Variants in REV3L observed in about 807,000 individuals in gnomAD.
REV3L encodes DNA polymerase zeta catalytic subunit.
In REV3L, 69 loss-of-function variants were observed where a neutral mutation model predicts 299.4. The ratio of observed to expected loss-of-function variants is 0.23; its 90% CI spans 0.19 to 0.28. The LOEUF (loss-of-function observed/expected upper bound fraction) is 0.28, where lower values mean the gene tolerates loss of function less well. Ranked by LOEUF, REV3L falls within the 10% of genes least tolerant of loss-of-function variation. The pLI, the probability that REV3L is intolerant of heterozygous loss-of-function variation, is 1.00. For missense variants in REV3L, 3,128 were observed against 3,693.8 expected (o/e 0.85, Z 3.97); for synonymous variants, 1,238 against 1,271.4 (o/e 0.97, Z 0.56).
intron 1 of REV3L, among the ~76,000 whole-genome samples, chr6:111,459,584 T>C (rs145153353): frequency 1.3e-5 from 2 of 151,640 alleles, no homozygotes; most frequent in East Asian, 1.9e-4. Flanking sequence ...AAAAAACAAA[T>C]AACCCCATTA....
intron 1 of REV3L, chr6:111,431,004 C>A (rs1023187974): frequency 6.4e-7 from 1 of 1,565,312 alleles, no homozygotes; most frequent in African/African-American, 1.4e-5. Context: ...GACAAAAGAA[C>A]AAAGTCACTC....
In REV3L at chr6:111,373,246, T is replaced by C; in HGVS notation, c.5109A>G (p.Lys1703=). Residue 1703 remains lysine (K), a synonymous_variant, in exon 13 of 32, where the codon AAA becomes AAG. Coordinates refer to ENST00000368802, the MANE Select transcript of REV3L (RefSeq NM_001372078.1). The part of the protein sequence containing the change: ...KNEFLSHDNQ[K]CDEDKHHTTD... ...TGGTATGATGCTTGTCTTCATCACA[T>C]TTCTGGTTGTCATGACTTAAAAACT... 6.2e-7 allele frequency: 1 copy of C among 1,614,104 alleles called. No homozygotes were observed. Among genetic ancestry groups the C allele is most frequent in the Non-Finnish European group, 8.5e-7 (1 of 1,180,010 alleles).
intron 1 of REV3L, among the ~76,000 whole-genome samples, chr6:111,445,300 G>T (rs1788714749): frequency 6.6e-6 from 1 of 152,072 alleles, no homozygotes; most frequent in East Asian, 1.9e-4. Context: ...TGGGTAACGG[G>T]GGTAAATCAT....
intron 26 of REV3L, among the ~76,000 whole-genome samples, chr6:111,317,067 TA>T (rs1773615851): frequency 6.6e-6 from 1 of 152,242 alleles, no homozygotes; most frequent in Non-Finnish European, 1.5e-5. Context: ...TCTTCACTTA[TA>T]TTTCTAGTGA....
Position 111,331,534 on chromosome 6 carries a change from A to C in REV3L, c.8034+142T>G, listed in dbSNP as rs546895514. On this transcript the variant is annotated intron_variant, in intron 24 of 31. Coordinates refer to ENST00000368802, the MANE Select transcript of REV3L (RefSeq NM_001372078.1). ...TGAAGTGATTTCTTAGAAGATTCTC[A>C]TATCTTTGACTTTTTGAGATAAAAT... 87 of 513,114 alleles carry C rather than the reference A, an allele frequency of 1.7e-4. No homozygotes were observed. In the East Asian group the frequency reaches 2.4e-3, roughly 14 times the overall value. 31.8% of individuals were successfully genotyped at this position (513,114 alleles called of 1,614,324 possible). A position where few individuals can be genotyped will look rare whatever the true frequency, so the allele number is the denominator to read the frequency against.
intron 4 of REV3L, among the ~76,000 whole-genome samples, chr6:111,394,684 G>A (rs1782291677): frequency 6.6e-6 from 1 of 150,394 alleles, no homozygotes; most frequent in South Asian, 2.1e-4. Flanking sequence ...CCAGACCAAT[G>A]TCCCAGAGTA....
In REV3L at chr6:111,482,859, G is replaced by A. The variant is rs1478943496; in HGVS notation, c.30C>T (p.Asp10=). The A allele has an allele frequency of 1.3e-6, 2 of 1,522,142 alleles. No homozygotes were observed. The highest frequency in any genetic ancestry group is 1.5e-5 in the African/African-American group (1 of 68,790). 94.3% of individuals were successfully genotyped at this position (1,522,142 alleles called of 1,614,324 possible). MFSVRIVTA[D]YYMASPLQGL... ...CCTGCAGCGGGCTGGCCATGTAGTA[G>A]TCTGCAGTCACTATCCTTACTGAAA... is the stretch of plus-strand genomic sequence containing the variant. Residue 10 remains aspartate (D), a synonymous_variant, in exon 1 of 32, where the codon GAC becomes GAT. Coordinates refer to ENST00000368802, the MANE Select transcript of REV3L (RefSeq NM_001372078.1).
At chr6:111,414,358 A>C (rs896228649) in intron 2 of REV3L, among the ~76,000 whole-genome samples, 1 of 152,172 alleles carries the variant, frequency 6.6e-6, no homozygotes, top group Non-Finnish European at 1.5e-5. Context: ...TGGATAGCAG[A>C]GGAACTGAGA....
chr6:111,344,599 C>T (rs143913040), intron 20 of REV3L, among the ~76,000 whole-genome samples: 6 of 152,170 alleles, frequency 3.9e-5, no homozygotes, highest in Non-Finnish European at 5.9e-5. Context: ...GTTCCAAATA[C>T]GTAAGTGAAA....
chr6:111,356,955 C>T (rs997397168), intron 18 of REV3L, 59 bp downstream of exon 18: 7 of 811,220 alleles, frequency 8.6e-6, no homozygotes, highest in African/African-American at 7.0e-5. Flanking sequence ...CTATTATCTG[C>T]AATAGCATGA....
At chr6:111,398,337 G>A (rs1782739332) in intron 4 of REV3L, among the ~76,000 whole-genome samples, 1 of 151,744 alleles carries the variant, frequency 6.6e-6, no homozygotes, top group Non-Finnish European at 1.5e-5. Flanking sequence ...GTTGAAAAAT[G>A]AGGATGTTAA....
rs1781646250 is a variant in REV3L at position 111,389,160 on chromosome 6, G to C, written c.808C>G (p.Gln270Glu). 6.2e-7 allele frequency: 1 copy of C among 1,613,908 alleles called. No homozygotes were observed. The highest frequency in any genetic ancestry group is 8.5e-7 in the Non-Finnish European group (1 of 1,179,908). The change falls in exon 7 of 32, where the codon CAA (glutamine) becomes GAA (glutamate). Residue 270 changes from glutamine to glutamate, a missense_variant. Physicochemically the swap from Gln to Glu is conservative, Grantham distance 29 (BLOSUM62 2). This residue lies in a region of REV3L where 2,409 missense variants were observed against 2,611.8 expected (regional missense o/e 0.92). Coordinates refer to ENST00000368802, the MANE Select transcript of REV3L (RefSeq NM_001372078.1). ...GTTTCATTTCTGTTTCTTCGCCGTT[G>C]CTTTTCATCTTCCCATATGGCCTGT... is the stretch of plus-strand genomic sequence containing the variant. The part of the protein sequence containing the change: ...GLQAIWEDEK[Q>E]RRRNRNETSQ...
At chr6:111,466,220 C>A (rs898881831) in intron 1 of REV3L, among the ~76,000 whole-genome samples, 1 of 151,932 alleles carries the variant, frequency 6.6e-6, no homozygotes, top group Non-Finnish European at 1.5e-5. Context: ...GATTCTTCAC[C>A]ACAAATAATT....
rs770888516 is a variant in REV3L at position 111,374,823 on chromosome 6, T to C, written c.3532A>G (p.Lys1178Glu). 7 of 1,613,282 alleles carry C rather than the reference T, an allele frequency of 4.3e-6. No individual in the cohort carries two copies. The highest frequency in any genetic ancestry group is 3.3e-5 in the Admixed American group (2 of 59,842). The change falls in exon 13 of 32, where the codon AAA becomes GAA. Residue 1178 changes from lysine to glutamate, a missense_variant. Physicochemically the swap from Lys to Glu is moderately conservative, Grantham distance 56. Around this residue, in one of 9 missense-constraint regions of REV3L, gnomAD observed 2,409 missense variants for 2,611.8 expected, o/e 0.92. Coordinates refer to ENST00000368802, the MANE Select transcript of REV3L (RefSeq NM_001372078.1). ...ATAGAGGGATTAGCAAGCTTTGCTT[T>C]TGATTTCTTAATCTGTGCTCTTGCG... is the stretch of plus-strand genomic sequence containing the variant. ...SRARAQIKKS[K>E]AKLANPSIVT...
intron 3 of REV3L, among the ~76,000 whole-genome samples, chr6:111,409,435 T>A (rs780000376): frequency 6.6e-5 from 10 of 152,074 alleles, no homozygotes; most frequent in Non-Finnish European, 1.2e-4. Flanking sequence ...TTACCCTGAT[T>A]TGAGACAAGG....
intron 21 of REV3L, among the ~76,000 whole-genome samples, chr6:111,343,690 T>C (rs1175764820): frequency 1.3e-5 from 2 of 152,114 alleles, no homozygotes; most frequent in Non-Finnish European, 2.9e-5. Context: ...TCACCACACC[T>C]GGCCAATTTT....
intron 9 of REV3L, among the ~76,000 whole-genome samples, chr6:111,385,134 T>C (rs1204175201): frequency 2.0e-5 from 3 of 151,568 alleles, no homozygotes; most frequent in African/African-American, 2.4e-5. Context: ...GGTGGGGAAG[T>C]GGGGATGGTT....
chr6:111,330,234 A>G (rs1216645500), intron 24 of REV3L: 1 of 444,470 alleles, frequency 2.2e-6, no homozygotes, highest in Admixed American at 2.4e-5. Context: ...TCAAACCTGC[A>G]GTTCCAGGGA....
chr6:111,435,980 T>G (rs1215178100), intron 1 of REV3L, among the ~76,000 whole-genome samples: 1 of 152,184 alleles, frequency 6.6e-6, no homozygotes, highest in Non-Finnish European at 1.5e-5. Context: ...AATAATCTGA[T>G]TTTTAAATAG....
Sources: gnomAD v4.1 joint callset for allele counts (sites outside exome capture counted in the v4.1 genomes callset) on GRCh38, gnomAD v4.1.1 for gene constraint, gnomAD v4.1.1 regional missense constraint, MANE v1.5 for transcripts, NCBI Gene and HGNC (gene_info 2026-07-23, HGNC 2026-07-21) for gene names.